Variants in LETM1 observed in about 807,000 individuals in gnomAD.
The protein encoded by LETM1 is leucine zipper and EF-hand containing transmembrane protein 1, also known as mitochondrial proton/calcium exchanger protein.
Under a neutral mutation model 74.5 loss-of-function variants are expected in LETM1, and 50 were observed. That is an observed-to-expected ratio of 0.67 (90% CI 0.53 to 0.85). LETM1 has a LOEUF of 0.85. Ranked by LOEUF, LETM1 falls within the 40% of genes least tolerant of loss-of-function variation. The probability of loss-of-function intolerance (pLI) is 0.00; values close to 1 mark genes in which losing one functional copy is unlikely to be tolerated. For missense variants in LETM1, 824 were observed against 967.8 expected (o/e 0.85, Z 1.97); for synonymous variants, 446 against 407.1 (o/e 1.10, Z -1.15).
Position 1,836,701 on chromosome 4 carries a change from A to G in LETM1, c.595-129T>C. The G allele has an allele frequency of 2.1e-6, 2 of 962,806 alleles. No homozygotes were observed. Among genetic ancestry groups the G allele is most frequent in the Non-Finnish European group, 3.1e-6 (2 of 649,118 alleles). 59.6% of individuals were successfully genotyped at this position (962,806 alleles called of 1,614,324 possible). A position where few individuals can be genotyped will look rare whatever the true frequency, so the allele number is the denominator to read the frequency against. ...CAGCGACTCACAGGACCCACTGAGGACTCTAAGTTCCAGAACCACTTAGCA... is the reference window on the plus strand; with the variant it reads ...CAGCGACTCACAGGACCCACTGAGGGCTCTAAGTTCCAGAACCACTTAGCA... On this transcript the variant is annotated intron_variant, in intron 3 of 13. Coordinates refer to ENST00000302787, the MANE Select transcript of LETM1 (RefSeq NM_012318.3). The surrounding 1 kb of genome is among the most constrained non-coding windows in gnomAD (Gnocchi z 5.8).
rs116148866 is a variant in LETM1, at chr4:1,838,549, C to T, written c.595-1977G>A. Among the ~76,000 whole-genome samples, 392 of 152,232 alleles carry T rather than the reference C, an allele frequency of 2.6e-3. 2 individuals carry two copies. Among genetic ancestry groups the T allele is most frequent in the African/African-American group, 9.2e-3 (384 of 41,520 alleles). On this transcript the variant is annotated intron_variant, in intron 3 of 13. Transcript: ENST00000302787. ...AAAATTAGCCTGGCATGACAGCGTG[C>T]GTCTGTGGTCCCAGCTACACTGGAG...
intron 1 of LETM1, 137 bp from the exon 2 acceptor site, chr4:1,849,346 C>A (rs935970174): frequency 4.7e-6 from 3 of 639,562 alleles, no homozygotes; most frequent in East Asian, 2.9e-5. Flanking sequence ...CTCACTGCAA[C>A]CTCCACCTCC....
intron 7 of LETM1, among the ~76,000 whole-genome samples, 187 bp downstream of exon 7, chr4:1,825,377 A>T (rs545919619): frequency 6.6e-6 from 1 of 152,394 alleles, no homozygotes; most frequent in Admixed American, 6.5e-5. Context: ...GTGCGAATGC[A>T]GGGGTGTGAG....
In LETM1 at chr4:1,823,111, T is replaced by C. The variant is rs1711846913; in HGVS notation, c.1353A>G (p.Lys451=). ...PEIVAKEAQV[K]VAEVEGEQVD... Reference sequence around the variant, plus strand: ...CCTGCTCGCCCTCCACCTCGGCCACTTTCACCTGTGCTTCCTTTGCCTTCA... The same window carrying C: ...CCTGCTCGCCCTCCACCTCGGCCACCTTCACCTGTGCTTCCTTTGCCTTCA... Residue 451 remains lysine, a synonymous_variant, in exon 9 of 14, where the codon AAA becomes AAG. Transcript: ENST00000302787. 1 of 1,601,926 alleles carries C rather than the reference T, an allele frequency of 6.2e-7. No homozygotes were observed. The highest frequency in any genetic ancestry group is 2.3e-5 in the East Asian group (1 of 43,962).
chr4:1,816,580 G>T, intron 12 of LETM1, 147 bp downstream of exon 12: 1 of 703,774 alleles, frequency 1.4e-6, no homozygotes, highest in Non-Finnish European at 2.3e-6. Context: ...TTCCTGGCTG[G>T]GACTGCTGGT....
chr4:1,831,434 C>T (rs962147458), intron 6 of LETM1, among the ~76,000 whole-genome samples: 1 of 152,212 alleles, frequency 6.6e-6, no homozygotes, highest in Non-Finnish European at 1.5e-5. Flanking sequence ...TACTGTTTCC[C>T]ACCTGGCTCC....
chr4:1,829,462 G>C (rs1307200075), intron 6 of LETM1, among the ~76,000 whole-genome samples: 2 of 152,232 alleles, frequency 1.3e-5, no homozygotes, highest in African/African-American at 4.8e-5. Context: ...CACTTCCTCT[G>C]GTCTCCACAG....
At chr4:1,838,497 T>C (rs1712566735) in intron 3 of LETM1, among the ~76,000 whole-genome samples, 1 of 152,048 alleles carries the variant, frequency 6.6e-6, no homozygotes, top group Non-Finnish European at 1.5e-5. Flanking sequence ...GGCAATATAG[T>C]GAGACCCAGT....
chr4:1,851,791 C>T (rs915282981), intron 1 of LETM1, among the ~76,000 whole-genome samples: 5 of 152,336 alleles, frequency 3.3e-5, no homozygotes, highest in East Asian at 1.9e-4. Context: ...GGGCTCCGCC[C>T]GGCAAGCAGG....
chr4:1,822,912 CTG>C (rs1404847297), intron 9 of LETM1, 74 bp downstream of exon 9: 5 of 1,259,780 alleles, frequency 4.0e-6, no homozygotes, highest in Non-Finnish European at 5.0e-6. Context: ...GAGGCCAAGA[CTG>C]TGGGCGTGCG....
chr4:1,816,935 G>A, intron 11 of LETM1, 21 bp from the exon 12 acceptor site: 4 of 1,601,820 alleles, frequency 2.5e-6, no homozygotes, highest in Non-Finnish European at 3.4e-6. Context: ...TATTTTGGTT[G>A]TAAAAAGTTT....
chr4:1,828,388 A>C lies in LETM1; in HGVS notation c.1081-2705T>G, dbSNP rs1466876245. ...GGCCGGGCGGGGGGCTGACACCCCC[A>C]CCTCCCTCCCGGACGGGGCGGCTGG... On this transcript the variant is annotated intron_variant, in intron 6 of 13. Coordinates refer to ENST00000302787, the MANE Select transcript of LETM1 (RefSeq NM_012318.3). 1.8e-3 allele frequency among the ~76,000 whole-genome samples: 124 copies of C among 69,128 alleles called. 1 individual carries two copies. In the East Asian group the frequency reaches 0.054, roughly 30 times the overall value. 45.4% of individuals were successfully genotyped at this position (69,128 alleles called of 152,430 possible).
intron 6 of LETM1, among the ~76,000 whole-genome samples, chr4:1,829,307 C>A (rs1712169755): frequency 6.7e-6 from 1 of 148,268 alleles, no homozygotes; most frequent in South Asian, 2.1e-4. Context: ...GGCAGAGGCG[C>A]CCCTCACCTC....
At chr4:1,827,777 C>T (rs1446994557) in intron 6 of LETM1, among the ~76,000 whole-genome samples, 3 of 150,010 alleles carry the variant, frequency 2.0e-5, no homozygotes, top group African/African-American at 7.4e-5. Context: ...CATTGTCATC[C>T]TGGCCCGTTC....
intron 10 of LETM1, among the ~76,000 whole-genome samples, chr4:1,821,130 T>A (rs967249209): frequency 4.0e-5 from 6 of 151,638 alleles, no homozygotes; most frequent in African/African-American, 1.5e-4. Context: ...GAAATTTTTT[T>A]TTTTTTTTTT....
At chr4:1,854,025 G>A (rs1302222520) in intron 1 of LETM1, among the ~76,000 whole-genome samples, 1 of 152,144 alleles carries the variant, frequency 6.6e-6, no homozygotes, top group Non-Finnish European at 1.5e-5. Flanking sequence ...AGTGTTAAAA[G>A]TACTTTTATC....
intron 3 of LETM1, among the ~76,000 whole-genome samples, chr4:1,837,400 G>A (rs1712495270): frequency 6.6e-6 from 1 of 152,162 alleles, no homozygotes; most frequent in African/African-American, 2.4e-5. Context: ...CAGGAGGGGA[G>A]AACCCTGCCT....
intron 2 of LETM1, among the ~76,000 whole-genome samples, chr4:1,847,972 G>A (rs968103857): frequency 5.3e-5 from 8 of 151,378 alleles, no homozygotes; most frequent in Non-Finnish European, 1.0e-4. Flanking sequence ...TTCCAGCTTG[G>A]TGACAGCGCG....
In LETM1 at chr4:1,816,912, G is replaced by T. The variant is rs760879319; in HGVS notation, c.1746C>A (p.Asp582Glu). 1 of 1,608,500 alleles carries T rather than the reference G, an allele frequency of 6.2e-7. No homozygotes were observed. Among genetic ancestry groups the T allele is most frequent in the South Asian group, 1.1e-5 (1 of 90,654 alleles). The change falls in exon 12 of 14, where the codon GAC becomes GAA. Residue 582 changes from aspartate to glutamate, a missense_variant and splice_region_variant. Asp to Glu is a conservative substitution (Grantham distance 45). This residue lies in a region of LETM1 where 161 missense variants were observed against 252.7 expected (regional missense o/e 0.64). Coordinates refer to ENST00000302787, the MANE Select transcript of LETM1 (RefSeq NM_012318.3). ...LKEDVQDYSE[D>E]LQEIKKELSK... ...AAAGTTCCTTCTTGATCTCCTGCAA[G>T]TCCTAATAAAATTATTTTGGTTGTA...
Sources: gnomAD v4.1 joint callset for allele counts (sites outside exome capture counted in the v4.1 genomes callset) on GRCh38, gnomAD v4.1.1 for gene constraint, gnomAD v4.1.1 regional missense constraint, Gnocchi (gnomAD v3.1) non-coding constraint, MANE v1.5 for transcripts, NCBI Gene and HGNC (gene_info 2026-07-23, HGNC 2026-07-21) for gene names.